The following NFE2L2 variants were observed in gnomAD, a reference collection of about 807,000 sequenced individuals.
NFE2L2 encodes the protein NFE2 like bZIP transcription factor 2.
In NFE2L2, 20 loss-of-function variants were observed where a neutral mutation model predicts 49.6. That is an observed-to-expected ratio of 0.40 (90% confidence interval 0.28 to 0.59). NFE2L2 has a LOEUF of 0.59. NFE2L2 is among the 20% of genes least tolerant of loss of function. The pLI is 0.40. For synonymous variants in NFE2L2, 244 were observed against 256.5 expected (o/e 0.95, Z 0.47); for missense variants, 578 against 714.2 (o/e 0.81, Z 2.17).
chr2:177,250,506 T>C (rs1690296613), intron 1 of NFE2L2, among the ~76,000 whole-genome samples: 1 of 152,248 alleles, frequency 6.6e-6, no homozygotes. Flanking sequence ...TTGTACTTTC[T>C]ATGTGCTCAA....
In NFE2L2 at chr2:177,259,563, G is replaced by C. The variant is rs570635143; in HGVS notation, c.45+4969C>G. Among the ~76,000 whole-genome samples the C allele has an allele frequency of 5.3e-5, 8 of 152,240 alleles. No homozygotes were observed. The South Asian group carries it at 1.7e-3, about 32-fold the overall frequency. On this transcript the variant is annotated intron_variant, in intron 1 of 4. Coordinates refer to ENST00000397062, the MANE Select transcript of NFE2L2 (RefSeq NM_006164.5). ...TTATTATGGCAGAAACTGACACACA[G>C]AAGGCTCAAACTTTAGGTAGCACAG...
chr2:177,244,367 C>G (rs149487711), intron 1 of NFE2L2, among the ~76,000 whole-genome samples: 17 of 151,818 alleles, frequency 1.1e-4, no homozygotes, highest in African/African-American at 3.6e-4. Flanking sequence ...TCAAGATCAA[C>G]AAGATTAGTG....
intron 1 of NFE2L2, among the ~76,000 whole-genome samples, chr2:177,245,329 C>A (rs1223847449): frequency 6.6e-6 from 1 of 152,158 alleles, no homozygotes; most frequent in African/African-American, 2.4e-5. Context: ...AGGGTGAGAT[C>A]ATTTGTGCAG....
At chr2:177,237,794 C>CAG (rs1322917212) in intron 1 of NFE2L2, among the ~76,000 whole-genome samples, 1 of 152,212 alleles carries the variant, frequency 6.6e-6, no homozygotes, top group Non-Finnish European at 1.5e-5. Context: ...GCTGGGATTA[C>CAG]AGGTGTGAGC....
At chr2:177,249,018 T>A (rs1052518910) in intron 1 of NFE2L2, among the ~76,000 whole-genome samples, 1 of 151,452 alleles carries the variant, frequency 6.6e-6, no homozygotes, top group Non-Finnish European at 1.5e-5. Flanking sequence ...GGAGTTTTGA[T>A]ATCAGCCTGG....
intron 1 of NFE2L2, chr2:177,263,633 G>A (rs1047787786): frequency 8.1e-6 from 8 of 985,376 alleles, no homozygotes; most frequent in South Asian, 9.4e-5. Flanking sequence ...GGAAGCCAAG[G>A]CCACGCGCGC....
chr2:177,260,468 T>G (rs1028492773), intron 1 of NFE2L2, among the ~76,000 whole-genome samples: 3 of 152,244 alleles, frequency 2.0e-5, no homozygotes, highest in Admixed American at 6.5e-5. Flanking sequence ...AATTTTGAGA[T>G]GTACTATTCT....
At chr2:177,259,081 G>A (rs1157616857) in intron 1 of NFE2L2, among the ~76,000 whole-genome samples, 3 of 152,280 alleles carry the variant, frequency 2.0e-5, no homozygotes, top group African/African-American at 7.2e-5. Flanking sequence ...AGACCAAGGT[G>A]GGCACATCAC....
At chr2:177,258,653 C>T (rs1336719736) in intron 1 of NFE2L2, among the ~76,000 whole-genome samples, 1 of 151,688 alleles carries the variant, frequency 6.6e-6, no homozygotes, top group Non-Finnish European at 1.5e-5. Context: ...ATTCTATCTA[C>T]TATAGAGGAA....
At chr2:177,232,329 T>G in intron 4 of NFE2L2, 63 bp downstream of exon 4, 2 of 1,434,176 alleles carry the variant, frequency 1.4e-6, no homozygotes, top group Middle Eastern at 2.5e-4. Context: ...ATATAAATAA[T>G]CAGAATGACT....
At position 177,230,792 on chromosome 2, in the gene NFE2L2, TTCTTAACA is replaced by T; in HGVS notation, c.1803_1810del (p.Asp601GlufsTer12). ...GGTCAAATCCTCCTAAATCTAGTTT[TTCTTAACA>T]TCTGGCTTCTTACTTTTGGGAACAA... On this transcript the variant is annotated frameshift_variant, in exon 5 of 5. Coordinates refer to ENST00000397062, the MANE Select transcript of NFE2L2 (RefSeq NM_006164.5). LOFTEE classifies it high-confidence loss of function. The T allele has an allele frequency of 6.3e-7, 1 of 1,578,724 alleles. No individual in the cohort carries two copies. Among genetic ancestry groups the T allele is most frequent in the Non-Finnish European group, 8.6e-7 (1 of 1,168,510 alleles).
chr2:177,239,956 A>G (rs1210215983), intron 1 of NFE2L2, among the ~76,000 whole-genome samples: 1 of 152,034 alleles, frequency 6.6e-6, no homozygotes, highest in Non-Finnish European at 1.5e-5. Context: ...TGTTAAAAAA[A>G]AAAAAAAAAA....
At chr2:177,236,292 T>C (rs1158756164) in intron 1 of NFE2L2, among the ~76,000 whole-genome samples, 2 of 152,228 alleles carry the variant, frequency 1.3e-5, no homozygotes, top group African/African-American at 4.8e-5. Flanking sequence ...GTGTCCATGA[T>C]TGAAGGTTGG....
chr2:177,238,501 A>G (rs6726395), intron 1 of NFE2L2, among the ~76,000 whole-genome samples: 79,661 of 152,066 alleles, frequency 0.52, 21,391 homozygotes, highest in South Asian at 0.74. Flanking sequence ...CTACCCAAGC[A>G]TACAGATGTT....
rs201214197 is a variant in NFE2L2, at chr2:177,231,443, C to A, written c.1160G>T (p.Ser387Ile). The change falls in exon 5 of 5, where the codon AGT (serine) becomes ATT (isoleucine). Residue 387 changes from serine (S) to isoleucine (I), a missense_variant. Around this residue, in one of 3 missense-constraint regions of NFE2L2, gnomAD observed 368 missense variants for 384.6 expected, o/e 0.96. Transcript: ENST00000397062. ...TGTTTTAGGACCATTCTGTTTGACA[C>A]TTCCAGGGGCACTATCTAGCTCTTC... ...EVEELDSAPGSVKQNGPKTPV... is the reference protein window; with the variant it reads ...EVEELDSAPGIVKQNGPKTPV... 1 of 1,614,256 alleles carries A rather than the reference C, an allele frequency of 6.2e-7. No individual in the cohort carries two copies.
chr2:177,231,653 A>G lies in NFE2L2; in HGVS notation c.950T>C (p.Ile317Thr), dbSNP rs781369555. The stretch of plus-strand genomic sequence containing the variant: ...GCAAAGTGATAGATCAGAAACATCA[A>G]TGGGCCCATTTAGAAGTTCAGAGAG... ...HSLSELLNGP[I>T]DVSDLSLCKA... The change falls in exon 5 of 5, where the codon ATT becomes ACT. Residue 317 changes from isoleucine to threonine, a missense_variant. This residue lies in a region of NFE2L2 where 368 missense variants were observed against 384.6 expected (regional missense o/e 0.96). Coordinates refer to ENST00000397062, the MANE Select transcript of NFE2L2 (RefSeq NM_006164.5). 24 of 1,614,184 alleles carry G rather than the reference A, an allele frequency of 1.5e-5. No individual in the cohort carries two copies. The highest frequency in any genetic ancestry group is 1.9e-5 in the Non-Finnish European group (22 of 1,180,014).
chr2:177,232,897 A>C (rs1689605717), intron 3 of NFE2L2: 8 of 465,330 alleles, frequency 1.7e-5, no homozygotes, highest in Admixed American at 1.2e-4. Context: ...AAAATTGTTA[A>C]CTGAACAAGT....
chr2:177,244,724 C>T (rs1046149185), intron 1 of NFE2L2, among the ~76,000 whole-genome samples: 22 of 151,882 alleles, frequency 1.4e-4, no homozygotes, highest in African/African-American at 4.8e-4. Context: ...TAAATAATCT[C>T]GGCTGGGTGC....
At chr2:177,249,217 C>A (rs374982121) in intron 1 of NFE2L2, among the ~76,000 whole-genome samples, 8 of 145,942 alleles carry the variant, frequency 5.5e-5, no homozygotes, top group Admixed American at 2.8e-4. Flanking sequence ...ACCCGGTCTC[C>A]ATAAATAAAT....
Sources: allele counts gnomAD v4.1 joint callset (sites outside exome capture counted in the v4.1 genomes callset), GRCh38; gene constraint gnomAD v4.1.1; regional missense constraint gnomAD v4.1.1; transcripts MANE v1.5; gene names NCBI Gene and HGNC (gene_info 2026-07-23, HGNC 2026-07-21).